The following DNAJB6 variants were observed in gnomAD, a reference collection of about 807,000 sequenced individuals.
DNAJB6 encodes the protein dnaJ homolog subfamily B member 6.
Under a neutral mutation model 42.7 loss-of-function variants are expected in DNAJB6, and 16 were observed. The observed-to-expected ratio is 0.37, with a 90% CI of 0.25 to 0.57. DNAJB6 has a LOEUF of 0.57. DNAJB6 is among the 20% of genes least tolerant of loss of function. The probability of loss-of-function intolerance (pLI) is 0.74; values close to 1 mark genes in which losing one functional copy is unlikely to be tolerated. For missense variants in DNAJB6, 347 were observed against 416.8 expected, an observed-to-expected ratio of 0.83 and a Z score of 1.46; for synonymous variants, 170 against 163.5, an observed-to-expected ratio of 1.04 and a Z score of -0.30.
At position 157,374,693 on chromosome 7, in the gene DNAJB6, A is replaced by G. The variant is rs552426652; in HGVS notation, c.346+7210A>G. On this transcript the variant is annotated intron_variant, in intron 5 of 9. Coordinates refer to ENST00000262177, the MANE Select transcript of DNAJB6 (RefSeq NM_058246.4). The stretch of plus-strand genomic sequence containing the variant: ...TGTTTCCTCTGACGTCCTCCCTTAA[A>G]TAGGGAGAGGAAATGGTTCCTGGAA... Among the ~76,000 whole-genome samples the G allele has an allele frequency of 7.2e-5, 11 of 152,262 alleles. No individual in the cohort carries two copies. The East Asian group carries it at 2.1e-3, about 29-fold the overall frequency.
chr7:157,406,893 A>G (rs1795789039), intron 8 of DNAJB6, among the ~76,000 whole-genome samples: 1 of 152,246 alleles, frequency 6.6e-6, no homozygotes, highest in Admixed American at 6.5e-5. Flanking sequence ...GCAGCTCTGA[A>G]GGCAGCGCGT....
intron 1 of DNAJB6, among the ~76,000 whole-genome samples, chr7:157,357,835 A>G (rs1035576981): frequency 6.6e-6 from 1 of 152,188 alleles, no homozygotes; most frequent in East Asian, 1.9e-4. Flanking sequence ...CCATAGGGGA[A>G]CTTAGAGAAT....
At chr7:157,343,189 C>G (rs1798507690) in intron 1 of DNAJB6, among the ~76,000 whole-genome samples, 1 of 149,378 alleles carries the variant, frequency 6.7e-6, no homozygotes, top group Non-Finnish European at 1.5e-5. Flanking sequence ...AAGACAGAGT[C>G]TTGCTCTGTT....
chr7:157,373,279 T>G (rs1433140335), intron 5 of DNAJB6, among the ~76,000 whole-genome samples: 1 of 152,210 alleles, frequency 6.6e-6, no homozygotes, highest in Non-Finnish European at 1.5e-5. Flanking sequence ...TTTGTGCTAG[T>G]CTTTGAAATT....
intron 8 of DNAJB6, among the ~76,000 whole-genome samples, chr7:157,395,844 CAG>C (rs1451368601): frequency 2.0e-5 from 3 of 151,782 alleles, no homozygotes; most frequent in African/African-American, 4.8e-5. Flanking sequence ...TCAGTAGAGA[CAG>C]AGTTTCACTC....
intron 8 of DNAJB6, chr7:157,386,016 G>C (rs1801039250): frequency 1.0e-6 from 1 of 994,380 alleles, no homozygotes; most frequent in Non-Finnish European, 1.2e-6. Flanking sequence ...TCGGCCTGCT[G>C]TGAAGTTAAC....
At chr7:157,340,825 C>T (rs1325465749) in intron 1 of DNAJB6, among the ~76,000 whole-genome samples, 2 of 152,096 alleles carry the variant, frequency 1.3e-5, no homozygotes, top group African/African-American at 2.4e-5. Context: ...CGTGTCACCA[C>T]GCCTGGCTAA....
At chr7:157,338,300 C>T (rs1455092463) in intron 1 of DNAJB6, among the ~76,000 whole-genome samples, 2 of 152,102 alleles carry the variant, frequency 1.3e-5, no homozygotes, top group African/African-American at 4.8e-5. Flanking sequence ...GCCAGTCCAC[C>T]CGTCCCGCGT....
At chr7:157,382,105 G>GAT (rs1234550584) in intron 5 of DNAJB6, 141 bp from the exon 6 acceptor site, 1 of 841,178 alleles carries the variant, frequency 1.2e-6, no homozygotes, top group African/African-American at 1.8e-5. Flanking sequence ...TTACTCTGTA[G>GAT]ATAAGCTCTT....
At chr7:157,383,299 C>G (rs769417027) in intron 6 of DNAJB6, among the ~76,000 whole-genome samples, 2 of 152,216 alleles carry the variant, frequency 1.3e-5, no homozygotes, top group Non-Finnish European at 2.9e-5. Flanking sequence ...AGCCACCACT[C>G]CTGGCCTGGA....
At chr7:157,369,525 C>T (rs1563127749) in intron 5 of DNAJB6, 2 of 394,846 alleles carry the variant, frequency 5.1e-6, no homozygotes, top group Non-Finnish European at 1.0e-5. Flanking sequence ...CTTCAACAGG[C>T]CCTGCTTAAC....
chr7:157,379,773 A>G (rs892628946), intron 5 of DNAJB6: 3 of 150,178 alleles, frequency 2.0e-5, no homozygotes, highest in African/African-American at 7.4e-5. Flanking sequence ...GATATATGCT[A>G]ATGTCTTCAA....
chr7:157,382,475 A>G (rs943352781), intron 6 of DNAJB6, 98 bp downstream of exon 6: 22 of 1,340,888 alleles, frequency 1.6e-5, no homozygotes, highest in Admixed American at 5.3e-5. Context: ...AAATATGTGT[A>G]TACCTTTCGT....
intron 9 of DNAJB6, chr7:157,412,422 T>C (rs1796005864): frequency 6.6e-6 from 1 of 152,204 alleles, no homozygotes; most frequent in South Asian, 2.1e-4. Context: ...CACGTGCTAG[T>C]GTGGGAGTGA....
chr7:157,410,080 C>A, intron 9 of DNAJB6, 79 bp downstream of exon 9: 2 of 1,460,706 alleles, frequency 1.4e-6, no homozygotes, highest in Non-Finnish European at 1.8e-6. Context: ...GGACACAAAC[C>A]GCGCCTGGGC....
chr7:157,341,074 G>C (rs1200429791), intron 1 of DNAJB6, among the ~76,000 whole-genome samples: 1 of 151,786 alleles, frequency 6.6e-6, no homozygotes, highest in Non-Finnish European at 1.5e-5. Flanking sequence ...CTTTCATCCC[G>C]GCCTGTCAAA....
At chr7:157,396,737 G>A (rs1272035382) in intron 8 of DNAJB6, among the ~76,000 whole-genome samples, 2 of 152,132 alleles carry the variant, frequency 1.3e-5, no homozygotes, top group Non-Finnish European at 2.9e-5. Flanking sequence ...TCAGGGTATC[G>A]TATATTGTGA....
At chr7:157,382,702 CTT>C (rs1800847767) in intron 6 of DNAJB6, 1 of 176,148 alleles carries the variant, frequency 5.7e-6, no homozygotes, top group Admixed American at 6.2e-5. Context: ...TCTCACTAAC[CTT>C]CATGCTGTCT....
chr7:157,396,226 T>C (rs1055868835), intron 8 of DNAJB6, among the ~76,000 whole-genome samples: 2 of 152,134 alleles, frequency 1.3e-5, no homozygotes, highest in Non-Finnish European at 2.9e-5. Context: ...TGGGATTACA[T>C]GCGTGAGCCA....
Sources: gnomAD v4.1 joint callset for allele counts (sites outside exome capture counted in the v4.1 genomes callset) on GRCh38, gnomAD v4.1.1 for gene constraint, MANE v1.5 for transcripts, NCBI Gene and HGNC (gene_info 2026-07-23, HGNC 2026-07-21) for gene names.